Variants in TECTA observed in about 807,000 individuals in gnomAD.
The protein encoded by TECTA is tectorin alpha.
In TECTA, 128 loss-of-function variants were observed where a neutral mutation model predicts 216.8. That is an observed-to-expected ratio of 0.59 (90% CI 0.51 to 0.68). The LOEUF (loss-of-function observed/expected upper bound fraction) is 0.68, where lower values mean the gene tolerates loss of function less well. Among genes scored for constraint, TECTA ranks in the 30% least tolerant of loss-of-function variants. The pLI, the probability that TECTA is intolerant of heterozygous loss-of-function variation, is 0.00. For synonymous variants in TECTA, 1,089 were observed against 1,117.1 expected (o/e 0.97, Z 0.50); for missense variants, 2,551 against 2,786.2 (o/e 0.92, Z 1.90).
intron 11 of TECTA, among the ~76,000 whole-genome samples, chr11:121,142,496 G>T (rs768122126): frequency 1.9e-4 from 29 of 152,182 alleles, no homozygotes; most frequent in Non-Finnish European, 4.4e-5. Context: ...GCTCTCCTTG[G>T]CAATGGCAGA....
chr11:121,145,495 A>T, intron 11 of TECTA, 60 bp from the exon 12 acceptor site: 1 of 1,575,106 alleles, frequency 6.3e-7, no homozygotes, highest in South Asian at 1.1e-5. Flanking sequence ...CATCGTTAGG[A>T]GAAGAGCTGG....
chr11:121,111,796 G>A lies in TECTA; in HGVS notation c.487-1276G>A, dbSNP rs549727907. On this transcript the variant is annotated intron_variant, in intron 4 of 23. Coordinates refer to ENST00000392793, the MANE Select transcript of TECTA (RefSeq NM_005422.4). ...TGCTCACTCATCTCTGTGTCCCACTGTCCTCTTCTGTTGAATGGGGCCAGA... is the reference window on the plus strand; with the variant it reads ...TGCTCACTCATCTCTGTGTCCCACTATCCTCTTCTGTTGAATGGGGCCAGA... Among the ~76,000 whole-genome samples, 545 of 152,338 alleles carry A rather than the reference G, an allele frequency of 3.6e-3. 1 individual carries two copies. Among genetic ancestry groups the A allele is most frequent in the Middle Eastern group, 0.02 (6 of 294 alleles).
intron 3 of TECTA, 93 bp from the exon 4 acceptor site, chr11:121,109,118 T>G: frequency 7.0e-7 from 1 of 1,426,526 alleles, no homozygotes; most frequent in Non-Finnish European, 9.7e-7. Context: ...GTTGTTTTCA[T>G]TCATACAGTT....
chr11:121,184,998 C>T (rs1947266997), intron 20 of TECTA, among the ~76,000 whole-genome samples: 1 of 152,138 alleles, frequency 6.6e-6, no homozygotes, highest in Non-Finnish European at 1.5e-5. Context: ...AAATGCAAAC[C>T]CAGATTATAG....
At chr11:121,190,359 G>A (rs758556969) in intron 23 of TECTA, among the ~76,000 whole-genome samples, 1 of 152,068 alleles carries the variant, frequency 6.6e-6, no homozygotes, top group Non-Finnish European at 1.5e-5. Flanking sequence ...CTGCCTCCCG[G>A]GTTCAAGCGA....
At chr11:121,177,984 G>T (rs954460864) in intron 20 of TECTA, among the ~76,000 whole-genome samples, 4 of 152,260 alleles carry the variant, frequency 2.6e-5, no homozygotes, top group Non-Finnish European at 5.9e-5. Context: ...CTCTGAGCCA[G>T]GTGTGGGATA....
At chr11:121,151,608 A>G (rs531911466) in intron 12 of TECTA, among the ~76,000 whole-genome samples, 6 of 152,336 alleles carry the variant, frequency 3.9e-5, no homozygotes, top group African/African-American at 9.6e-5. Flanking sequence ...ATAGTTTGCT[A>G]TCGGAGGTTG....
chr11:121,154,666 G>A (rs1225047001), intron 13 of TECTA, among the ~76,000 whole-genome samples: 4 of 152,192 alleles, frequency 2.6e-5, no homozygotes, highest in Non-Finnish European at 5.9e-5. Context: ...CGGTACCACT[G>A]CTGGAGGTGT....
intron 9 of TECTA, among the ~76,000 whole-genome samples, chr11:121,129,281 A>G (rs1305090601): frequency 6.6e-6 from 1 of 152,232 alleles, no homozygotes; most frequent in Admixed American, 6.5e-5. Context: ...AAGCAGCCAG[A>G]AAGGCAGGGA....
At chr11:121,115,101 C>T (rs1946488708) in intron 6 of TECTA, among the ~76,000 whole-genome samples, 1 of 131,432 alleles carries the variant, frequency 7.6e-6, no homozygotes, top group Non-Finnish European at 1.6e-5. Flanking sequence ...ATTTATCCAT[C>T]CACCCATTCA....
chr11:121,138,638 C>T (rs1946754845), intron 11 of TECTA, among the ~76,000 whole-genome samples: 1 of 152,184 alleles, frequency 6.6e-6, no homozygotes, highest in Non-Finnish European at 1.5e-5. Flanking sequence ...TTCTAAGCTT[C>T]CCACCCTTTT....
intron 20 of TECTA, among the ~76,000 whole-genome samples, chr11:121,175,132 C>T (rs975408525): frequency 2.0e-5 from 3 of 151,642 alleles, no homozygotes; most frequent in Non-Finnish European, 4.4e-5. Flanking sequence ...TTGATCCTTT[C>T]AAAAAACCAG....
At chr11:121,174,482 C>G (rs1453378125) in intron 20 of TECTA, among the ~76,000 whole-genome samples, 2 of 152,184 alleles carry the variant, frequency 1.3e-5, no homozygotes, top group Non-Finnish European at 2.9e-5. Context: ...TGTTTACATG[C>G]TGGATTACAT....
In TECTA at chr11:121,137,494, G is replaced by A. The variant is rs746178764; in HGVS notation, c.3015G>A (p.Leu1005=). The A allele has an allele frequency of 1.2e-6, 2 of 1,613,880 alleles. No individual in the cohort carries two copies. The highest frequency in any genetic ancestry group is 4.5e-5 in the East Asian group (2 of 44,782). The change falls in exon 11 of 24, where the codon CTG becomes CTA. Residue 1005 remains leucine, a synonymous_variant. Coordinates refer to ENST00000392793, the MANE Select transcript of TECTA (RefSeq NM_005422.4). The part of the protein sequence containing the change: ...TCTETCETLT[L]GPICVDSCSE... The stretch of plus-strand genomic sequence containing the variant: ...CAGAGACCTGTGAGACCCTTACCCT[G>A]GGCCCCATCTGCGTGGATAGCTGCT...
intron 10 of TECTA, among the ~76,000 whole-genome samples, chr11:121,133,022 A>G (rs939068907): frequency 6.6e-6 from 1 of 152,114 alleles, no homozygotes; most frequent in Non-Finnish European, 1.5e-5. Context: ...GTGAGCCACC[A>G]CGCCCGGCCA....
chr11:121,122,683 AAAAAAAAAAAG>A (rs1250671547), intron 7 of TECTA, among the ~76,000 whole-genome samples: 2 of 144,824 alleles, frequency 1.4e-5, no homozygotes, highest in Admixed American at 6.9e-5. Flanking sequence ...AAAAAAAAAA[AAAAAAAAAAAG>A]AAAGCCAAAA....
chr11:121,174,007 A>G (rs1158274930), intron 20 of TECTA, among the ~76,000 whole-genome samples: 1 of 152,130 alleles, frequency 6.6e-6, no homozygotes, highest in Non-Finnish European at 1.5e-5. Flanking sequence ...TTATTGGTGT[A>G]TAAGAATGCT....
chr11:121,111,612 C>G (rs1020916756), intron 4 of TECTA, among the ~76,000 whole-genome samples: 1 of 152,124 alleles, frequency 6.6e-6, no homozygotes, highest in Non-Finnish European at 1.5e-5. Context: ...CTGCTTGGAC[C>G]AAAGATATTT....
At chr11:121,149,050 A>C (rs1231635912) in intron 12 of TECTA, among the ~76,000 whole-genome samples, 1 of 152,244 alleles carries the variant, frequency 6.6e-6, no homozygotes, top group Non-Finnish European at 1.5e-5. Context: ...CCAGGTTCTA[A>C]GTGGGATCTG....
Sources: gnomAD v4.1 joint callset for allele counts (sites outside exome capture counted in the v4.1 genomes callset) on GRCh38, gnomAD v4.1.1 for gene constraint, MANE v1.5 for transcripts, NCBI Gene and HGNC (gene_info 2026-07-23, HGNC 2026-07-21) for gene names.